Variants in EML1 observed in about 807,000 individuals in gnomAD.
The protein encoded by EML1 is EMAP like 1, also known as echinoderm microtubule-associated protein-like 1.
EML1 carries 27 observed loss-of-function variants against 110.4 expected under a neutral mutation model. The ratio of observed to expected loss-of-function variants is 0.24; its 90% CI spans 0.18 to 0.34. The LOEUF (loss-of-function observed/expected upper bound fraction) is 0.34, where lower values mean the gene tolerates loss of function less well. EML1 is among the 10% of genes least tolerant of loss of function. EML1 has a pLI of 1.00. For synonymous variants in EML1, 344 were observed against 385.8 expected (o/e 0.89, Z 1.27); for missense variants, 741 against 1,030.9 (o/e 0.72, Z 3.85).
chr14:99,817,559 C>T (rs1313969275), intron 1 of EML1, among the ~76,000 whole-genome samples: 1 of 152,176 alleles, frequency 6.6e-6, no homozygotes, highest in Non-Finnish European at 1.5e-5. Context: ...GAAATTAGAG[C>T]TTGGCATTGT....
chr14:99,738,299 G>T (rs1420844095), intron 1 of EML1, among the ~76,000 whole-genome samples: 3 of 152,240 alleles, frequency 2.0e-5, no homozygotes, highest in Non-Finnish European at 4.4e-5. Context: ...TGGGCGTTCT[G>T]AGTCCCTGGT....
At chr14:99,908,007 G>A (rs1199824744) in intron 10 of EML1, among the ~76,000 whole-genome samples, 1 of 152,188 alleles carries the variant, frequency 6.6e-6, no homozygotes, top group African/African-American at 2.4e-5. Flanking sequence ...TCATGTATTT[G>A]CTGGCTGTTC....
chr14:99,806,513 T>C (rs1034038436), intron 1 of EML1, among the ~76,000 whole-genome samples: 2 of 151,904 alleles, frequency 1.3e-5, no homozygotes, highest in Non-Finnish European at 2.9e-5. Context: ...ATGAGGTTTC[T>C]CCATGTTGGT....
chr14:99,908,535 C>A (rs2140043049), intron 10 of EML1, among the ~76,000 whole-genome samples: 1 of 152,296 alleles, frequency 6.6e-6, no homozygotes, highest in South Asian at 2.1e-4. Flanking sequence ...ATATTCTGGG[C>A]AGGTGTTTAA....
intron 1 of EML1, among the ~76,000 whole-genome samples, chr14:99,754,400 T>C (rs2057220637): frequency 6.6e-6 from 1 of 152,086 alleles, no homozygotes; most frequent in Non-Finnish European, 1.5e-5. Context: ...TTTGAAGCTA[T>C]GGGAGTCCTC....
At chr14:99,875,739 A>G (rs996074946) in intron 3 of EML1, among the ~76,000 whole-genome samples, 1 of 152,196 alleles carries the variant, frequency 6.6e-6, no homozygotes, top group African/African-American at 2.4e-5. Flanking sequence ...AAGTCAAATT[A>G]GCTTGGTGTT....
At chr14:99,820,714 A>G (rs529608540) in intron 1 of EML1, among the ~76,000 whole-genome samples, 52 of 152,256 alleles carry the variant, frequency 3.4e-4, no homozygotes, top group Middle Eastern at 6.8e-3. Context: ...AATTGAAGCT[A>G]TATTTTGCTT....
intron 10 of EML1, among the ~76,000 whole-genome samples, chr14:99,908,063 C>T (rs910085176): frequency 6.6e-6 from 1 of 152,212 alleles, no homozygotes; most frequent in African/African-American, 2.4e-5. Flanking sequence ...CGTGCTCGCA[C>T]GGCACGTGGA....
At chr14:99,876,648 G>A (rs1265919788) in intron 3 of EML1, among the ~76,000 whole-genome samples, 3 of 152,154 alleles carry the variant, frequency 2.0e-5, no homozygotes, top group Non-Finnish European at 2.9e-5. Context: ...TGTCTCGCGT[G>A]TTGCAGGCTT....
chr14:99,924,830 T>C (rs1374332491), intron 17 of EML1, among the ~76,000 whole-genome samples: 1 of 152,216 alleles, frequency 6.6e-6, no homozygotes, highest in African/African-American at 2.4e-5. Context: ...TCTGCATCTG[T>C]TGGGATTATT....
chr14:99,903,784 C>T (rs1345529857), intron 9 of EML1, among the ~76,000 whole-genome samples: 2 of 141,612 alleles, frequency 1.4e-5, no homozygotes, highest in Non-Finnish European at 3.1e-5. Flanking sequence ...TAAATCTATT[C>T]ATTTTTTTTT....
Position 99,939,056 on chromosome 14 carries a change from T to C in EML1, c.2192-141T>C. 7.8e-7 allele frequency: 1 copy of C among 1,284,462 alleles called. No individual in the cohort carries two copies. The highest frequency in any genetic ancestry group is 2.4e-5 in the East Asian group (1 of 42,412). The allele number at this position is 1,284,462 out of a possible 1,614,324, so 79.6% of individuals were successfully genotyped here. A position where few individuals can be genotyped will look rare whatever the true frequency, so the allele number is the denominator to read the frequency against. ...ACAGCGAGAGGCCAGGAACTGAGGC[T>C]ATTGTGCTTTTTTGACCCTTGTTTC... On this transcript the variant is annotated intron_variant, in intron 20 of 21. Transcript: ENST00000262233. The surrounding 1 kb of genome is among the most constrained non-coding windows in gnomAD (Gnocchi z 4.2).
At chr14:99,925,822 C>G (rs1355131258) in intron 17 of EML1, among the ~76,000 whole-genome samples, 1 of 152,186 alleles carries the variant, frequency 6.6e-6, no homozygotes, top group African/African-American at 2.4e-5. Flanking sequence ...ACCAGCCTCC[C>G]GTCAGCCAGG....
At chr14:99,858,341 C>T (rs550721597) in intron 2 of EML1, among the ~76,000 whole-genome samples, 4 of 152,230 alleles carry the variant, frequency 2.6e-5, no homozygotes, top group African/African-American at 4.8e-5. Context: ...TGCACCTCCA[C>T]GCCCAGCTAA....
intron 1 of EML1, among the ~76,000 whole-genome samples, chr14:99,809,964 T>G (rs983039557): frequency 6.6e-6 from 1 of 152,212 alleles, no homozygotes; most frequent in Admixed American, 6.5e-5. Flanking sequence ...GAGGAAGGGT[T>G]TCCAGACCAG....
At chr14:99,871,007 A>G (rs2059190956) in intron 3 of EML1, among the ~76,000 whole-genome samples, 1 of 151,950 alleles carries the variant, frequency 6.6e-6, no homozygotes, top group African/African-American at 2.4e-5. Context: ...CCCAGGCTGG[A>G]GTGCAGTGGC....
chr14:99,933,855 G>T (rs1471387722), intron 17 of EML1, among the ~76,000 whole-genome samples: 1 of 152,208 alleles, frequency 6.6e-6, no homozygotes, highest in Non-Finnish European at 1.5e-5. Flanking sequence ...GCACTTCGGG[G>T]AGGCCAAGGC....
intron 8 of EML1, among the ~76,000 whole-genome samples, chr14:99,898,677 G>A (rs942459883): frequency 2.0e-5 from 3 of 151,606 alleles, no homozygotes; most frequent in East Asian, 1.9e-4. Context: ...ACTTGAACCC[G>A]GGAGGCGGAG....
At position 99,914,174 on chromosome 14, in the gene EML1, T is replaced by C; in HGVS notation, c.1495-5T>C. On this transcript the variant is annotated splice_polypyrimidine_tract_variant and splice_region_variant and intron_variant, in intron 13 of 21. Coordinates refer to ENST00000262233, the MANE Select transcript of EML1 (RefSeq NM_004434.3). ...CTTTTCTTTTCATATGACTTTTCAA[T>C]GCAGATTCCAGAACAGTTTGGTCCA... 6.3e-7 allele frequency: 1 copy of C among 1,597,680 alleles called. No homozygotes were observed. Among genetic ancestry groups the C allele is most frequent in the Non-Finnish European group, 8.6e-7 (1 of 1,167,570 alleles).
Sources: allele counts gnomAD v4.1 joint callset (sites outside exome capture counted in the v4.1 genomes callset), GRCh38; gene constraint gnomAD v4.1.1; non-coding constraint Gnocchi (gnomAD v3.1); transcripts MANE v1.5; gene names NCBI Gene and HGNC (gene_info 2026-07-23, HGNC 2026-07-21).